IL1RAPL1: variants seen among roughly 807,000 people sequenced by gnomAD.
The protein encoded by IL1RAPL1 is interleukin-1 receptor accessory protein-like 1.
IL1RAPL1 carries 3 observed loss-of-function variants against 48.4 expected under a neutral mutation model. That is an observed-to-expected ratio of 0.06 (90% confidence interval 0.03 to 0.16). IL1RAPL1 has a LOEUF of 0.16. IL1RAPL1 is among the 10% of genes least tolerant of loss of function. The pLI, the probability that IL1RAPL1 is intolerant of heterozygous loss-of-function variation, is 1.00. For missense variants in IL1RAPL1, 349 were observed against 530.6 expected, an observed-to-expected ratio of 0.66 and a Z score of 3.36; for synonymous variants, 185 against 187.7, an observed-to-expected ratio of 0.99 and a Z score of 0.12.
intron 2 of IL1RAPL1, among the ~76,000 whole-genome samples, chrX:29,161,910 A>G (rs1929692577): frequency 8.9e-6 from 1 of 112,366 alleles, no homozygotes; most frequent in African/African-American, 3.2e-5. Flanking sequence ...ATGCACATGT[A>G]TGTGTATTGC....
At chrX:29,295,057 T>TG (rs1167709487) in intron 3 of IL1RAPL1, among the ~76,000 whole-genome samples, 5 of 111,065 alleles carry the variant, frequency 4.5e-5, no homozygotes, top group African/African-American at 6.5e-5. Context: ...CATAAGGCAA[T>TG]GGGGGGCCTA....
rs188376682 is a variant in IL1RAPL1, at chrX:28,928,014, C to T, written c.82+138589C>T. Among the ~76,000 whole-genome samples, 7 of 110,626 alleles carry T rather than the reference C, an allele frequency of 6.3e-5. 1 individual carries two copies. In the East Asian group the frequency reaches 1.4e-3, roughly 22 times the overall value. On this transcript the variant is annotated intron_variant, in intron 2 of 10. Coordinates refer to ENST00000378993, the MANE Select transcript of IL1RAPL1 (RefSeq NM_014271.4). ...CCCTCAAACAGCTTACTTGACATAC[C>T]CATGGGAGTACGTATCTAATATGAA... is the stretch of plus-strand genomic sequence containing the variant.
At chrX:29,596,379 AT>A (rs1923550736) in intron 5 of IL1RAPL1, among the ~76,000 whole-genome samples, 1 of 111,885 alleles carries the variant, frequency 8.9e-6, no homozygotes, top group African/African-American at 3.3e-5. Flanking sequence ...ATGTGTTTCT[AT>A]TTGTTTGTAT....
intron 2 of IL1RAPL1, among the ~76,000 whole-genome samples, chrX:28,866,960 A>G (rs1922092681): frequency 8.9e-6 from 1 of 112,149 alleles, no homozygotes; most frequent in Admixed American, 9.5e-5. Context: ...AGTTAAGTGC[A>G]AGATTATCAT....
intron 2 of IL1RAPL1, among the ~76,000 whole-genome samples, chrX:29,026,077 A>C (rs2147405398): frequency 8.9e-6 from 1 of 112,146 alleles, no homozygotes; most frequent in African/African-American, 3.2e-5. Context: ...GCCTTTACTA[A>C]GGGAAAGAAA....
chrX:29,685,939 C>T (rs1460056229), intron 6 of IL1RAPL1, among the ~76,000 whole-genome samples: 1 of 108,661 alleles, frequency 9.2e-6, no homozygotes. Flanking sequence ...GAGCCAAGAT[C>T]ATGCCATTGC....
intron 2 of IL1RAPL1, among the ~76,000 whole-genome samples, chrX:28,862,885 CA>C (rs1369192315): frequency 2.4e-5 from 2 of 83,162 alleles, no homozygotes; most frequent in Admixed American, 1.4e-4. Context: ...GAAATTATGC[CA>C]TTTTTTTTTT....
chrX:29,297,846 A>G (rs895037417), intron 3 of IL1RAPL1, among the ~76,000 whole-genome samples: 1 of 112,120 alleles, frequency 8.9e-6, no homozygotes, highest in African/African-American at 3.2e-5. Flanking sequence ...TTTTAATACA[A>G]TTATTTTTTT....
chrX:29,188,662 C>A (rs890620751), intron 2 of IL1RAPL1, among the ~76,000 whole-genome samples: 2 of 102,340 alleles, frequency 2.0e-5, no homozygotes, highest in Non-Finnish European at 3.9e-5. Context: ...TCTGGGCTCA[C>A]TGCAACCTCC....
chrX:29,521,155 C>A (rs779829032), intron 5 of IL1RAPL1, among the ~76,000 whole-genome samples: 1 of 112,621 alleles, frequency 8.9e-6, no homozygotes, highest in African/African-American at 3.2e-5. Flanking sequence ...TGTCGTATTT[C>A]TTTCAAACCT....
intron 1 of IL1RAPL1, among the ~76,000 whole-genome samples, chrX:28,716,318 A>C (rs1289941139): frequency 9.0e-6 from 1 of 111,513 alleles, no homozygotes; most frequent in East Asian, 2.8e-4. Flanking sequence ...ATAGTATTGG[A>C]AGTTTTGGCC....
At chrX:29,345,800 A>T (rs1933142591) in intron 3 of IL1RAPL1, among the ~76,000 whole-genome samples, 1 of 111,857 alleles carries the variant, frequency 8.9e-6, no homozygotes, top group Non-Finnish European at 1.9e-5. Flanking sequence ...ATATATATAT[A>T]TATGTTTGTA....
chrX:29,908,012 T>TAAGA (rs904280985), intron 6 of IL1RAPL1, among the ~76,000 whole-genome samples: 7 of 111,306 alleles, frequency 6.3e-5, no homozygotes, highest in African/African-American at 2.3e-4. Context: ...TCTTAGAGAA[T>TAAGA]AAGATTAAAA....
chrX:28,980,157 T>C (rs964209320), intron 2 of IL1RAPL1, among the ~76,000 whole-genome samples: 4 of 112,569 alleles, frequency 3.6e-5, no homozygotes, highest in African/African-American at 1.3e-4. Flanking sequence ...TTCACTGATA[T>C]AGAATGTTTC....
At chrX:29,583,751 G>A (rs1477762634) in intron 5 of IL1RAPL1, among the ~76,000 whole-genome samples, 3 of 104,296 alleles carry the variant, frequency 2.9e-5, no homozygotes, top group East Asian at 3.1e-4. Context: ...AAAAGAGCCC[G>A]CATCGCCAAG....
intron 6 of IL1RAPL1, among the ~76,000 whole-genome samples, chrX:29,905,634 C>T (rs928444185): frequency 1.8e-5 from 2 of 110,961 alleles, no homozygotes; most frequent in Non-Finnish European, 3.8e-5. Context: ...GAATCCTTTC[C>T]CCATTGCTTG....
intron 2 of IL1RAPL1, among the ~76,000 whole-genome samples, chrX:28,873,955 T>A (rs1413247845): frequency 9.4e-6 from 1 of 106,429 alleles, no homozygotes; most frequent in African/African-American, 3.5e-5. Flanking sequence ...TTGTTCAGAT[T>A]TTTTGCTTCT....
At chrX:28,734,549 ATTT>A (rs71889875) in intron 1 of IL1RAPL1, among the ~76,000 whole-genome samples, 3,269 of 98,124 alleles carry the variant, frequency 0.033, 129 homozygotes, top group East Asian at 0.17. Flanking sequence ...CCAAAGTGTC[ATTT>A]TTTTTTTTTT....
chrX:29,906,247 A>G (rs1267195645), intron 6 of IL1RAPL1, among the ~76,000 whole-genome samples: 3 of 104,191 alleles, frequency 2.9e-5, no homozygotes, highest in Non-Finnish European at 5.9e-5. Context: ...AGACAGGAGA[A>G]TGGCGTGAAC....
Sources: allele counts gnomAD v4.1 joint callset (sites outside exome capture counted in the v4.1 genomes callset), GRCh38; gene constraint gnomAD v4.1.1; transcripts MANE v1.5; gene names NCBI Gene and HGNC (gene_info 2026-07-23, HGNC 2026-07-21).